Variants in MICAL3 observed in about 807,000 individuals in gnomAD.
MICAL3 encodes microtubule associated monooxygenase, calponin and LIM domain containing 3.
Under a neutral mutation model 207.4 loss-of-function variants are expected in MICAL3, and 62 were observed. The observed-to-expected ratio is 0.30, with a 90% CI of 0.24 to 0.37. The LOEUF (loss-of-function observed/expected upper bound fraction) is 0.37, where lower values mean the gene tolerates loss of function less well. Ranked by LOEUF, MICAL3 falls within the 10% of genes least tolerant of loss-of-function variation. The probability of loss-of-function intolerance (pLI) is 1.00; values close to 1 mark genes in which losing one functional copy is unlikely to be tolerated. For synonymous variants in MICAL3, 1,077 were observed against 1,069.3 expected (o/e 1.01, Z -0.14); for missense variants, 2,368 against 2,635.6 (o/e 0.90, Z 2.22).
rs768022360 is a variant in MICAL3, at chr22:17,864,895, C to T, written c.2605+4G>A. On this transcript the variant is annotated splice_donor_region_variant and intron_variant, in intron 19 of 31. Coordinates refer to ENST00000441493, the MANE Select transcript of MICAL3 (RefSeq NM_015241.3). ...CACCCAGCCAAACAAGGAAGTGAGG[C>T]TACCTGGGGTTCTCTCAGTGGAGCT... 7 of 1,613,710 alleles carry T rather than the reference C, an allele frequency of 4.3e-6. No individual in the cohort carries two copies. Among genetic ancestry groups the T allele is most frequent in the South Asian group, 2.2e-5 (2 of 91,080 alleles).
At chr22:17,807,192 C>A (rs756313989) in intron 29 of MICAL3, among the ~76,000 whole-genome samples, 1 of 152,270 alleles carries the variant, frequency 6.6e-6, no homozygotes, top group Non-Finnish European at 1.5e-5. Context: ...AGCCTAGGCT[C>A]TCTCCTGATA....
In MICAL3 at chr22:17,902,622, A is replaced by G; in HGVS notation, c.589+9T>C. 6.5e-7 allele frequency: 1 copy of G among 1,533,850 alleles called. No individual in the cohort carries two copies. Among genetic ancestry groups the G allele is most frequent in the Non-Finnish European group, 9.0e-7 (1 of 1,115,634 alleles). The stretch of plus-strand genomic sequence containing the variant: ...CTCACGCCTTCTTCACTCCTCCAGT[A>G]TAACTTACGTTCATTCTCTTGGTCC... On this transcript the variant is annotated intron_variant, in intron 4 of 31. Coordinates refer to ENST00000441493, the MANE Select transcript of MICAL3 (RefSeq NM_015241.3). This position sits in a 1 kb window ranked among gnomAD's most constrained non-coding sequence, Gnocchi z 4.5.
At chr22:17,959,404 C>A (rs1934792043) in intron 1 of MICAL3, among the ~76,000 whole-genome samples, 1 of 147,324 alleles carries the variant, frequency 6.8e-6, no homozygotes, top group Non-Finnish European at 1.5e-5. Flanking sequence ...AACCTCTGAC[C>A]CACAGGTTCA....
chr22:17,879,659 G>A (rs1236702764), intron 16 of MICAL3, among the ~76,000 whole-genome samples: 2 of 152,178 alleles, frequency 1.3e-5, no homozygotes, highest in African/African-American at 4.8e-5. Context: ...ACTATGGTTA[G>A]TACAAAGGTG....
intron 20 of MICAL3, among the ~76,000 whole-genome samples, chr22:17,833,118 G>C (rs1470104453): frequency 6.6e-6 from 1 of 152,148 alleles, no homozygotes; most frequent in Non-Finnish European, 1.5e-5. Flanking sequence ...TCCTCGCTCT[G>C]GCCACCCTCC....
intron 10 of MICAL3, 60 bp downstream of exon 10, chr22:17,895,224 C>G (rs1930727429): frequency 6.3e-7 from 1 of 1,575,092 alleles, no homozygotes; most frequent in African/African-American, 1.4e-5. Flanking sequence ...CTCAACAGAT[C>G]AGAATTCTCA....
At chr22:17,992,092 G>T (rs1290227041) in intron 1 of MICAL3, among the ~76,000 whole-genome samples, 1 of 152,164 alleles carries the variant, frequency 6.6e-6, no homozygotes, top group Non-Finnish European at 1.5e-5. Flanking sequence ...TCTAGGAAGG[G>T]CTGCCCAGTC....
At chr22:17,864,728 G>T (rs1485885808) in intron 19 of MICAL3, 171 bp downstream of exon 19, 1 of 1,613,468 alleles carries the variant, frequency 6.2e-7, no homozygotes, top group African/African-American at 1.3e-5. Context: ...TAGAGAAAGG[G>T]GACTCCGAAC....
intron 19 of MICAL3, among the ~76,000 whole-genome samples, chr22:17,851,534 G>A (rs1925340335): frequency 6.6e-6 from 1 of 152,170 alleles, no homozygotes; most frequent in Admixed American, 6.5e-5. Flanking sequence ...TAAATGATCA[G>A]GATAAAGAGT....
At chr22:17,909,573 C>T (rs927864842) in intron 1 of MICAL3, among the ~76,000 whole-genome samples, 4 of 152,214 alleles carry the variant, frequency 2.6e-5, no homozygotes, top group Non-Finnish European at 5.9e-5. Flanking sequence ...CATAGCTTCT[C>T]TCAATAGCCA....
chr22:18,011,184 A>G (rs766251323), intron 1 of MICAL3, among the ~76,000 whole-genome samples: 18 of 152,172 alleles, frequency 1.2e-4, no homozygotes, highest in Non-Finnish European at 2.5e-4. Flanking sequence ...ATCATTGACA[A>G]GTAGGCAGAG....
chr22:17,817,225 A>T (rs1278488587), intron 26 of MICAL3, 86 bp downstream of exon 26: 4 of 1,433,062 alleles, frequency 2.8e-6, no homozygotes, highest in East Asian at 5.0e-5. Context: ...GGAGCGTGTG[A>T]GTGTGGATCC....
intron 29 of MICAL3, among the ~76,000 whole-genome samples, chr22:17,795,759 C>T (rs1310510110): frequency 2.6e-5 from 4 of 152,268 alleles, no homozygotes; most frequent in Non-Finnish European, 4.4e-5. Flanking sequence ...ACGCTCCACA[C>T]TTCCACAACG....
At chr22:17,942,677 C>T in intron 1 of MICAL3, among the ~76,000 whole-genome samples, 1 of 152,214 alleles carries the variant, frequency 6.6e-6, no homozygotes, top group East Asian at 1.9e-4. Flanking sequence ...CCTGGCCTCA[C>T]ACTAGGCTTC....
chr22:17,985,926 T>G (rs113979124), intron 1 of MICAL3, among the ~76,000 whole-genome samples: 6 of 146,850 alleles, frequency 4.1e-5, no homozygotes, highest in African/African-American at 1.3e-4. Context: ...GTTTTGTTTT[T>G]GAGACAGTCT....
intron 1 of MICAL3, among the ~76,000 whole-genome samples, chr22:17,978,952 G>C (rs184839307): frequency 2.8e-4 from 42 of 151,160 alleles, no homozygotes; most frequent in Non-Finnish European, 5.9e-4. Flanking sequence ...AAGGCGGGAG[G>C]ACTGCATGAG....
rs12159773 is a variant in MICAL3, at chr22:17,976,525, G to T, written c.-75+47756C>A. ...ATGAATAAAATATACATGTATATAT[G>T]TGTATATATATGTGTGTGTGTGTGT... is the stretch of plus-strand genomic sequence containing the variant. On this transcript the variant is annotated intron_variant, in intron 1 of 31. Transcript: ENST00000441493. Among the ~76,000 whole-genome samples the T allele has an allele frequency of 2.3e-5, 3 of 132,168 alleles. 1 individual carries two copies. The highest frequency in any genetic ancestry group is 9.3e-5 in the African/African-American group (3 of 32,424). 86.7% of individuals were successfully genotyped at this position (132,168 alleles called of 152,430 possible). A position where few individuals can be genotyped will look rare whatever the true frequency, so the allele number is the denominator to read the frequency against.
At chr22:17,951,473 G>T (rs1204761339) in intron 1 of MICAL3, among the ~76,000 whole-genome samples, 2 of 151,680 alleles carry the variant, frequency 1.3e-5, no homozygotes, top group Non-Finnish European at 2.9e-5. Flanking sequence ...GACACACTCT[G>T]CTGCTGTTCG....
chr22:18,011,959 G>T (rs2146505039), intron 1 of MICAL3, among the ~76,000 whole-genome samples: 1 of 151,612 alleles, frequency 6.6e-6, no homozygotes, highest in East Asian at 1.9e-4. Context: ...TTAGAGCAGG[G>T]TCTGGTGGCT....
Sources: gnomAD v4.1 joint callset for allele counts (sites outside exome capture counted in the v4.1 genomes callset) on GRCh38, gnomAD v4.1.1 for gene constraint, Gnocchi (gnomAD v3.1) non-coding constraint, MANE v1.5 for transcripts, NCBI Gene and HGNC (gene_info 2026-07-23, HGNC 2026-07-21) for gene names.